Variants in EPN1 observed in about 807,000 individuals in gnomAD.
EPN1 encodes epsin 1, also known as epsin-1.
A neutral mutation model predicts 56.9 loss-of-function variants in EPN1; 25 were observed. The observed-to-expected ratio is 0.44, with a 90% CI of 0.32 to 0.61. The LOEUF (loss-of-function observed/expected upper bound fraction) is 0.61, where lower values mean the gene tolerates loss of function less well. EPN1 is among the 20% of genes least tolerant of loss of function. EPN1 has a pLI of 0.05. For missense variants in EPN1, 785 were observed against 823.7 expected (o/e 0.95, Z 0.58); for synonymous variants, 411 against 361.8 (o/e 1.14, Z -1.54).
chr19:55,681,004 C>T (rs1985779330), intron 2 of EPN1, among the ~76,000 whole-genome samples: 1 of 152,344 alleles, frequency 6.6e-6, no homozygotes, highest in East Asian at 1.9e-4. Flanking sequence ...AACTGAGGCC[C>T]AGAGACGGGG....
chr19:55,694,706 C>G lies in EPN1; in HGVS notation c.1265-20C>G. 1 of 1,540,906 alleles carries G rather than the reference C, an allele frequency of 6.5e-7. No homozygotes were observed. Among genetic ancestry groups the G allele is most frequent in the South Asian group, 1.3e-5 (1 of 79,056 alleles). Reference sequence around the variant, plus strand: ...CACTGCTGTCTGCCCTGTCTGAGCCCCTCTCCCGGATCCTTCCAGGAGAGC... The same window carrying G: ...CACTGCTGTCTGCCCTGTCTGAGCCGCTCTCCCGGATCCTTCCAGGAGAGC... On this transcript the variant is annotated intron_variant, in intron 9 of 10. Coordinates refer to ENST00000270460, the MANE Select transcript of EPN1 (RefSeq NM_001130072.2). This position sits in a 1 kb window ranked among gnomAD's most constrained non-coding sequence, Gnocchi z 4.2.
chr19:55,677,303 G>T (rs1362352214), intron 1 of EPN1: 4 of 846,150 alleles, frequency 4.7e-6, no homozygotes, highest in Non-Finnish European at 6.0e-6. Flanking sequence ...GTTGTTTCAA[G>T]GATTAACTGA....
chr19:55,693,189 C>CCACCTGTCT lies in EPN1; in HGVS notation c.1264+153_1264+161dup, dbSNP rs969656039. ...GTTGGGTAGAGTGGGCCAGAACCATCCACCTGTCTTTAAAAGAAGTGTGCA... is the reference window on the plus strand; with the variant it reads ...GTTGGGTAGAGTGGGCCAGAACCATCCACCTGTCTCACCTGTCTTTAAAAGAAGTGTGCA... On this transcript the variant is annotated intron_variant, in intron 9 of 10. Transcript: ENST00000270460. 6.8e-6 allele frequency: 4 copies of CCACCTGTCT among 587,916 alleles called. No individual in the cohort carries two copies. The African/African-American group carries it at 7.4e-5, about 11-fold the overall frequency. The allele number at this position is 587,916 out of a possible 1,614,324, so 36.4% of individuals were successfully genotyped here. A position where few individuals can be genotyped will look rare whatever the true frequency, so the allele number is the denominator to read the frequency against.
At chr19:55,684,504 T>G (rs758119344) in intron 2 of EPN1, among the ~76,000 whole-genome samples, 27 of 152,276 alleles carry the variant, frequency 1.8e-4, no homozygotes, top group Non-Finnish European at 1.0e-4. Flanking sequence ...GGAGTTTGTT[T>G]TCGTATTATA....
intron 3 of EPN1, among the ~76,000 whole-genome samples, chr19:55,687,800 C>T (rs77861386): frequency 0.069 from 10,442 of 152,268 alleles, 709 homozygotes; most frequent in East Asian, 0.29. Context: ...CACCCACATG[C>T]TCCCTGGAGC....
In EPN1 at chr19:55,700,134, A is replaced by G. The variant is rs192998686; in HGVS notation, c.*4778A>G. ...GAGACGGGGTTTCACTGTGTTAGCC[A>G]GGATGGTCACGATCTCCTGACCTCG... On this transcript the variant is annotated 3_prime_UTR_variant, in exon 11 of 11. Transcript: ENST00000270460. 4.3e-3 allele frequency: 656 copies of G among 151,270 alleles called. 6 individuals carry two copies. Among genetic ancestry groups the G allele is most frequent in the Non-Finnish European group, 7.4e-3 (505 of 68,040 alleles). 9.4% of individuals were successfully genotyped at this position (151,270 alleles called of 1,614,324 possible).
In EPN1 at chr19:55,705,719, G is replaced by C. The variant is rs948331244; in HGVS notation, c.*10363G>C. 6.6e-6 allele frequency: 1 copy of C among 151,288 alleles called. No homozygotes were observed. The highest frequency in any genetic ancestry group is 1.5e-5 in the Non-Finnish European group (1 of 67,876). The allele number at this position is 151,288 out of a possible 1,614,324, so 9.4% of individuals were successfully genotyped here. On this transcript the variant is annotated 3_prime_UTR_variant, in exon 11 of 11. Coordinates refer to ENST00000270460, the MANE Select transcript of EPN1 (RefSeq NM_001130072.2). ...AAAGGCCAAAGGTAGAGAAAATCTTGAAAGTATCGAGAAAATGACATGTCA... is the reference window on the plus strand; with the variant it reads ...AAAGGCCAAAGGTAGAGAAAATCTTCAAAGTATCGAGAAAATGACATGTCA...
rs777324570 is a variant in EPN1, at chr19:55,695,020, G to A, written c.1522+37G>A. The A allele has an allele frequency of 6.4e-7, 1 of 1,563,138 alleles. No homozygotes were observed. The highest frequency in any genetic ancestry group is 2.4e-5 in the East Asian group (1 of 42,038). On this transcript the variant is annotated intron_variant, in intron 10 of 10. Transcript: ENST00000270460. The surrounding 1 kb of genome is among the most constrained non-coding windows in gnomAD (Gnocchi z 4.4). ...CCCATCACCTGCTCAAGTCCTTCCT[G>A]TGGGTTCCACCAGAGGAGGTGCCTC...
At chr19:55,679,951 G>T (rs1018915160) in intron 2 of EPN1, among the ~76,000 whole-genome samples, 1 of 152,192 alleles carries the variant, frequency 6.6e-6, no homozygotes, top group Non-Finnish European at 1.5e-5. Context: ...GTGTGCAGAG[G>T]GGATGAATCC....
Position 55,689,437 on chromosome 19 carries a change from TC to T in EPN1, c.678+68del, listed in dbSNP as rs1986391049. The stretch of plus-strand genomic sequence containing the variant: ...CCCTCAGACCAGCCCCGTCGCCCCT[TC>T]CTAAGTCACCCCCCACCATCCTGCT... On this transcript the variant is annotated intron_variant, in intron 5 of 10. Transcript: ENST00000270460. This position sits in a 1 kb window ranked among gnomAD's most constrained non-coding sequence, Gnocchi z 5.7. 7.9e-7 allele frequency: 1 copy of T among 1,270,450 alleles called. No individual in the cohort carries two copies. Among genetic ancestry groups the T allele is most frequent in the African/African-American group, 1.5e-5 (1 of 67,660 alleles). The allele number at this position is 1,270,450 out of a possible 1,614,324, so 78.7% of individuals were successfully genotyped here. A position where few individuals can be genotyped will look rare whatever the true frequency, so the allele number is the denominator to read the frequency against.
At chr19:55,687,376 G>T (rs1422734337) in intron 3 of EPN1, among the ~76,000 whole-genome samples, 2 of 152,124 alleles carry the variant, frequency 1.3e-5, no homozygotes, top group African/African-American at 2.4e-5. Flanking sequence ...CAGCACCGAG[G>T]CTGGGTGCTC....
rs1050824613 is a variant in EPN1 at position 55,700,062 on chromosome 19, A to G, written c.*4706A>G. Reference sequence around the variant, plus strand: ...CAGCCTCCCAAGTAGCTGGGACTACAGATGCCCACCACCATGCCCAGCTAA... The same window carrying G: ...CAGCCTCCCAAGTAGCTGGGACTACGGATGCCCACCACCATGCCCAGCTAA... On this transcript the variant is annotated 3_prime_UTR_variant, in exon 11 of 11. Transcript: ENST00000270460. The G allele has an allele frequency of 1.3e-5, 2 of 151,804 alleles. No homozygotes were observed. Among genetic ancestry groups the G allele is most frequent in the Non-Finnish European group, 2.9e-5 (2 of 68,044 alleles). The allele number at this position is 151,804 out of a possible 1,614,324, so 9.4% of individuals were successfully genotyped here.
At chr19:55,686,611 G>A (rs923673879) in intron 3 of EPN1, among the ~76,000 whole-genome samples, 4 of 152,132 alleles carry the variant, frequency 2.6e-5, no homozygotes, top group Non-Finnish European at 5.9e-5. Flanking sequence ...CACCCACGGG[G>A]AGACATGGGT....
intron 1 of EPN1, chr19:55,677,086 C>A: frequency 6.5e-7 from 1 of 1,535,038 alleles, no homozygotes; most frequent in Non-Finnish European, 8.8e-7. Flanking sequence ...AGAGGCCAGC[C>A]TCTCTCCGTC....
At position 55,706,933 on chromosome 19, in the gene EPN1, G is replaced by C. The variant is rs2039136485; in HGVS notation, c.*11577G>C. ...CTCAGGCCTGTAATCCCAGCACTTT[G>C]GGAGGCCGAGGCAGGCGGATTACCT... On this transcript the variant is annotated 3_prime_UTR_variant, in exon 11 of 11. Transcript: ENST00000270460. The C allele has an allele frequency of 6.6e-6, 1 of 152,182 alleles. No individual in the cohort carries two copies. The highest frequency in any genetic ancestry group is 2.4e-5 in the African/African-American group (1 of 41,382). 9.4% of individuals were successfully genotyped at this position (152,182 alleles called of 1,614,324 possible).
intron 7 of EPN1, 108 bp from the exon 8 acceptor site, chr19:55,692,578 G>A (rs1300707894): frequency 8.7e-6 from 6 of 689,852 alleles, no homozygotes; most frequent in Non-Finnish European, 1.2e-5. Context: ...TTTCTGGGGG[G>A]CAGGGGGGCT....
At chr19:55,693,110 C>T (rs1986688762) in intron 9 of EPN1, 73 bp downstream of exon 9, 1 of 1,468,616 alleles carries the variant, frequency 6.8e-7, no homozygotes, top group Non-Finnish European at 9.5e-7. Flanking sequence ...CCGTCCCTTG[C>T]TGTCTTTGTC....
rs768488143 is a variant in EPN1, at chr19:55,692,014, A to C, written c.1023A>C (p.Ala341=). The C allele has an allele frequency of 6.8e-7, 1 of 1,475,404 alleles. No homozygotes were observed. Among genetic ancestry groups the C allele is most frequent in the Non-Finnish European group, 8.9e-7 (1 of 1,120,734 alleles). The allele number at this position is 1,475,404 out of a possible 1,614,324, so 91.4% of individuals were successfully genotyped here. The change falls in exon 7 of 11, where the codon GCA becomes GCC. Residue 341 remains alanine, a synonymous_variant. Transcript: ENST00000270460. ...CTTGGGGTGGGACCCCAGCCCCTGC[A>C]GCTGGGGAGGGGCCCACGCCTGATC... ...VDPWGGTPAP[A]AGEGPTPDPW...
In EPN1 at chr19:55,697,140, T is replaced by A. The variant is rs1166858850; in HGVS notation, c.*1784T>A. The stretch of plus-strand genomic sequence containing the variant: ...TTTCCCAGGAGGAAATGGGGACTGT[T>A]ACCGGGGGAGGGGGTGCTGTCCCCA... On this transcript the variant is annotated 3_prime_UTR_variant, in exon 11 of 11. Transcript: ENST00000270460. 6.6e-6 allele frequency: 1 copy of A among 152,190 alleles called. No homozygotes were observed. The highest frequency in any genetic ancestry group is 2.4e-5 in the African/African-American group (1 of 41,424). The allele number at this position is 152,190 out of a possible 1,614,324, so 9.4% of individuals were successfully genotyped here.
Sources: gnomAD v4.1 joint callset for allele counts (sites outside exome capture counted in the v4.1 genomes callset) on GRCh38, gnomAD v4.1.1 for gene constraint, Gnocchi (gnomAD v3.1) non-coding constraint, MANE v1.5 for transcripts, NCBI Gene and HGNC (gene_info 2026-07-23, HGNC 2026-07-21) for gene names.